The following SYNE2 variants were observed in gnomAD, a reference collection of about 807,000 sequenced individuals.
SYNE2 encodes the protein nesprin-2.
In SYNE2, 431 loss-of-function variants were observed where a neutral mutation model predicts 856.3. The ratio of observed to expected loss-of-function variants is 0.50; its 90% CI spans 0.47 to 0.55. The LOEUF (loss-of-function observed/expected upper bound fraction) is 0.55, where lower values mean the gene tolerates loss of function less well. Among genes scored for constraint, SYNE2 ranks in the 20% least tolerant of loss-of-function variants. The probability of loss-of-function intolerance (pLI) is 0.00; values close to 1 mark genes in which losing one functional copy is unlikely to be tolerated. For missense variants in SYNE2, 8,129 were observed against 8,023.2 expected (o/e 1.01, Z -0.50); for synonymous variants, 2,923 against 2,872.3 (o/e 1.02, Z -0.56).
intron 2 of SYNE2, among the ~76,000 whole-genome samples, chr14:63,932,939 G>A (rs1422285556): frequency 1.3e-5 from 2 of 152,150 alleles, no homozygotes; most frequent in South Asian, 2.1e-4. Context: ...TAGAGAAGTC[G>A]TGGAGCCAAG....
At chr14:64,069,775 T>A (rs1235156403) in intron 51 of SYNE2, among the ~76,000 whole-genome samples, 1 of 152,226 alleles carries the variant, frequency 6.6e-6, no homozygotes, top group Non-Finnish European at 1.5e-5. Flanking sequence ...AGGCTTTGTT[T>A]CTCAGCCTCT....
chr14:64,134,231 C>G, intron 78 of SYNE2, 31 bp downstream of exon 78: 1 of 1,610,778 alleles, frequency 6.2e-7, no homozygotes, highest in Non-Finnish European at 8.5e-7. Flanking sequence ...TTATCAAAGG[C>G]GTGTCCATAG....
At chr14:63,805,047 T>C (rs1032627399) in intron 1 of SYNE2, among the ~76,000 whole-genome samples, 1 of 152,192 alleles carries the variant, frequency 6.6e-6, no homozygotes, top group African/African-American at 2.4e-5. Flanking sequence ...GATCAAATGA[T>C]TGTAGGTGTG....
At chr14:64,183,059 G>T (rs1316332775) in intron 96 of SYNE2, among the ~76,000 whole-genome samples, 1 of 149,430 alleles carries the variant, frequency 6.7e-6, no homozygotes, top group Non-Finnish European at 1.5e-5. Context: ...GCTGGGCGGA[G>T]ACGCTCCTCA....
At chr14:64,127,862 A>G (rs1567385602) in intron 73 of SYNE2, among the ~76,000 whole-genome samples, 1 of 152,230 alleles carries the variant, frequency 6.6e-6, no homozygotes, top group Admixed American at 6.5e-5. Context: ...CAGTCTGCCA[A>G]ATCCAGCCTG....
chr14:63,778,931 CTCATGGCT>C (rs1473389440), intron 1 of SYNE2, among the ~76,000 whole-genome samples: 1 of 22,194 alleles, frequency 4.5e-5, no homozygotes, highest in Non-Finnish European at 1.4e-4. Flanking sequence ...CCCAAAGTAG[CTCATGGCT>C]ATGAGCCACT....
intron 49 of SYNE2, among the ~76,000 whole-genome samples, chr14:64,060,778 G>C (rs751638892): frequency 6.6e-5 from 10 of 152,126 alleles, no homozygotes; most frequent in Non-Finnish European, 1.5e-4. Context: ...GAACCCCAGA[G>C]TACTTTAGCC....
intron 2 of SYNE2, among the ~76,000 whole-genome samples, chr14:63,935,092 A>C (rs2095814067): frequency 1.3e-5 from 2 of 152,164 alleles, no homozygotes; most frequent in South Asian, 4.1e-4. Context: ...AAAACAATGA[A>C]AACATTGCTC....
intron 8 of SYNE2, among the ~76,000 whole-genome samples, chr14:63,957,395 A>C (rs1595875028): frequency 6.7e-6 from 1 of 149,938 alleles, no homozygotes; most frequent in East Asian, 2.0e-4. Flanking sequence ...CAGCCTCCTG[A>C]GTAGCTGGGT....
intron 62 of SYNE2, 100 bp from the exon 63 acceptor site, chr14:64,098,647 G>A (rs2153636214): frequency 2.4e-6 from 3 of 1,255,022 alleles, no homozygotes; most frequent in South Asian, 1.3e-5. Context: ...CTTGGATAAA[G>A]TAAGTAAAAA....
At chr14:64,051,499 ATT>A in intron 47 of SYNE2, 56 bp from the exon 48 acceptor site, 1 of 1,466,466 alleles carries the variant, frequency 6.8e-7, no homozygotes, top group Non-Finnish European at 9.3e-7. Context: ...ATTTATCCAC[ATT>A]TTAATGTAGA....
intron 66 of SYNE2, among the ~76,000 whole-genome samples, chr14:64,117,445 G>A (rs540724620): frequency 1.3e-5 from 2 of 152,060 alleles, no homozygotes; most frequent in East Asian, 1.9e-4. Flanking sequence ...GACTACAGGC[G>A]TACACCACCA....
chr14:63,972,373 G>T (rs987638482), intron 11 of SYNE2, among the ~76,000 whole-genome samples: 1 of 152,136 alleles, frequency 6.6e-6, no homozygotes, highest in Non-Finnish European at 1.5e-5. Context: ...ACAAGATTAA[G>T]TACTGTAAAT....
At chr14:63,789,270 T>C (rs1887646926) in intron 1 of SYNE2, among the ~76,000 whole-genome samples, 2 of 152,204 alleles carry the variant, frequency 1.3e-5, no homozygotes, top group Admixed American at 1.3e-4. Context: ...AGCTGTCAAC[T>C]GGGGAACTCC....
intron 87 of SYNE2, among the ~76,000 whole-genome samples, chr14:64,160,410 A>G (rs1474273962): frequency 6.6e-6 from 1 of 152,250 alleles, no homozygotes; most frequent in Non-Finnish European, 1.5e-5. Context: ...TTACCTCTAG[A>G]TAAATGAGAT....
intron 65 of SYNE2, among the ~76,000 whole-genome samples, chr14:64,111,777 GAC>G (rs1435135032): frequency 6.6e-6 from 1 of 151,926 alleles, no homozygotes; most frequent in Admixed American, 6.6e-5. Context: ...CAGCCTGGGT[GAC>G]AGAGGGAAAC....
chr14:64,163,646 T>C, intron 89 of SYNE2, 65 bp downstream of exon 89: 1 of 1,592,274 alleles, frequency 6.3e-7, no homozygotes, highest in Non-Finnish European at 8.6e-7. Flanking sequence ...CAATCCCTTG[T>C]ATCCTTTGAA....
chr14:64,019,968 A>G (rs549593463), intron 34 of SYNE2, 24 bp from the exon 35 acceptor site: 7 of 1,464,186 alleles, frequency 4.8e-6, no homozygotes, highest in Admixed American at 1.7e-5. Flanking sequence ...AAAAGACACT[A>G]TCCTTTAAAA....
Position 64,052,732 on chromosome 14 carries a change from A to G in SYNE2, c.8819A>G (p.His2940Arg), listed in dbSNP as rs760713779. 7.4e-6 allele frequency: 12 copies of G among 1,613,656 alleles called. No individual in the cohort carries two copies. Among genetic ancestry groups the G allele is most frequent in the Non-Finnish European group, 1.0e-5 (12 of 1,179,756 alleles). ...CAGAATACATGTAATGAAGTGGAAC[A>G]CAAGATAAAGTTTTGCAGACAATTC... ...FIQNTCNEVE[H>R]KIKFCRQFHE... Residue 2940 changes from histidine to arginine, a missense_variant, in exon 48 of 116, where the codon CAC becomes CGC. Physicochemically the swap from His to Arg is conservative, Grantham distance 29 (BLOSUM62 0). Transcript: ENST00000555002.
Sources: allele counts gnomAD v4.1 joint callset (sites outside exome capture counted in the v4.1 genomes callset), GRCh38; gene constraint gnomAD v4.1.1; transcripts MANE v1.5; gene names NCBI Gene and HGNC (gene_info 2026-07-23, HGNC 2026-07-21).